Variants in RXRA observed in about 807,000 individuals in gnomAD.
RXRA encodes retinoid X receptor alpha.
In RXRA, 5 loss-of-function variants were observed where a neutral mutation model predicts 44.5. The ratio of observed to expected loss-of-function variants is 0.11; its 90% confidence interval spans 0.06 to 0.24. RXRA has a LOEUF of 0.24. Ranked by LOEUF, RXRA falls within the 10% of genes least tolerant of loss-of-function variation. The probability of loss-of-function intolerance (pLI) is 1.00; values close to 1 mark genes in which losing one functional copy is unlikely to be tolerated. For missense variants in RXRA, 412 were observed against 646.5 expected, an observed-to-expected ratio of 0.64 and a Z score of 3.93; for synonymous variants, 291 against 271.4, an observed-to-expected ratio of 1.07 and a Z score of -0.71.
intron 4 of RXRA, among the ~76,000 whole-genome samples, chr9:134,414,208 C>T (rs1831196536): frequency 6.6e-6 from 1 of 152,266 alleles, no homozygotes; most frequent in African/African-American, 2.4e-5. Context: ...CTAATTAATT[C>T]TCGGCTGCCC....
At chr9:134,422,810 T>C in intron 6 of RXRA, 11 of 985,270 alleles carry the variant, frequency 1.1e-5, no homozygotes, top group Non-Finnish European at 1.3e-5. Context: ...TTCAGAGAGG[T>C]AATGGGCTGT....
intron 1 of RXRA, among the ~76,000 whole-genome samples, chr9:134,389,206 G>C (rs531146592): frequency 6.6e-6 from 1 of 152,204 alleles, no homozygotes; most frequent in Non-Finnish European, 1.5e-5. Context: ...CACGGAACCC[G>C]TTTTCCCGGA....
At position 134,357,470 on chromosome 9, in the gene RXRA, TG is replaced by T. The variant is rs886309134; in HGVS notation, c.28+30816del. ...CAGATTTCTCGCCTGTGCAGGGGGT[TG>T]GGGGATGTGGAGTTGGTGAGGTCCG... is the stretch of plus-strand genomic sequence containing the variant. On this transcript the variant is annotated intron_variant, in intron 1 of 9. Coordinates refer to ENST00000481739, the MANE Select transcript of RXRA (RefSeq NM_002957.6). Among the ~76,000 whole-genome samples the T allele has an allele frequency of 2.0e-4, 31 of 152,054 alleles. No homozygotes were observed. In the Middle Eastern group the frequency reaches 0.01, roughly 50 times the overall value.
chr9:134,381,101 G>A (rs566792934), intron 1 of RXRA, among the ~76,000 whole-genome samples: 2 of 152,346 alleles, frequency 1.3e-5, no homozygotes, highest in South Asian at 2.1e-4. Flanking sequence ...AGTTGCTGCT[G>A]TCAGAGCCTG....
chr9:134,393,115 C>A (rs551174949), intron 1 of RXRA, among the ~76,000 whole-genome samples: 118 of 152,140 alleles, frequency 7.8e-4, no homozygotes, highest in African/African-American at 2.8e-3. Context: ...CCTGAGCCAG[C>A]GTCTGGGGCA....
At chr9:134,415,244 T>C (rs1831214883) in intron 4 of RXRA, among the ~76,000 whole-genome samples, 1 of 152,102 alleles carries the variant, frequency 6.6e-6, no homozygotes, top group Admixed American at 6.5e-5. Flanking sequence ...CACGTGGGGC[T>C]GTTACAGAGC....
chr9:134,341,035 G>A (rs1294919244), intron 1 of RXRA, among the ~76,000 whole-genome samples: 4 of 152,214 alleles, frequency 2.6e-5, no homozygotes, highest in African/African-American at 9.6e-5. Flanking sequence ...CCCTGGCCTC[G>A]TGCCCTCACC....
intron 1 of RXRA, among the ~76,000 whole-genome samples, chr9:134,380,460 T>G (rs1048079490): frequency 2.7e-4 from 41 of 150,780 alleles, no homozygotes; most frequent in African/African-American, 9.5e-4. Flanking sequence ...GACCCAGTGG[T>G]TGCAAGGAGC....
Position 134,326,528 on chromosome 9 carries a change from G to GCCGCCGGCTCC in RXRA, c.-97_-87dup. 1 of 155,684 alleles carries GCCGCCGGCTCC rather than the reference G, an allele frequency of 6.4e-6. No individual in the cohort carries two copies. Among genetic ancestry groups the GCCGCCGGCTCC allele is most frequent in the Non-Finnish European group, 1.3e-5 (1 of 76,100 alleles). 9.6% of individuals were successfully genotyped at this position (155,684 alleles called of 1,614,324 possible). A position where few individuals can be genotyped will look rare whatever the true frequency, so the allele number is the denominator to read the frequency against. ...TCCGCGCGCCGCCGCCGCCACCGCAGCCGCCGGCTCCCCGCCGCCCGGGCC... is the reference window on the plus strand; with the variant it reads ...TCCGCGCGCCGCCGCCGCCACCGCAGCCGCCGGCTCCCCGCCGGCTCCCCGCCGCCCGGGCC... On this transcript the variant is annotated 5_prime_UTR_variant, in exon 1 of 10. Coordinates refer to ENST00000481739, the MANE Select transcript of RXRA (RefSeq NM_002957.6).
chr9:134,368,266 G>T (rs552005313), intron 1 of RXRA, among the ~76,000 whole-genome samples: 40 of 152,342 alleles, frequency 2.6e-4, no homozygotes, highest in Non-Finnish European at 5.0e-4. Context: ...AGCTGGCCTT[G>T]ACAGGCACAG....
chr9:134,362,121 G>A (rs747532583), intron 1 of RXRA, among the ~76,000 whole-genome samples: 8 of 152,134 alleles, frequency 5.3e-5, no homozygotes, highest in African/African-American at 1.9e-4. Context: ...GGCTCTGCCC[G>A]CCCTGGGCCT....
At chr9:134,347,173 G>A (rs1402361980) in intron 1 of RXRA, among the ~76,000 whole-genome samples, 3 of 149,596 alleles carry the variant, frequency 2.0e-5, no homozygotes, top group African/African-American at 7.4e-5. Flanking sequence ...GGCAGGTGGG[G>A]TTGGGGTGGG....
In RXRA at chr9:134,440,010, G is replaced by C. The variant is rs967546743; in HGVS notation, c.*3396G>C. The C allele has an allele frequency of 6.6e-6, 1 of 152,284 alleles. No individual in the cohort carries two copies. Among genetic ancestry groups the C allele is most frequent in the Non-Finnish European group, 1.5e-5 (1 of 68,028 alleles). The allele number at this position is 152,284 out of a possible 1,614,324, so 9.4% of individuals were successfully genotyped here. A position where few individuals can be genotyped will look rare whatever the true frequency, so the allele number is the denominator to read the frequency against. ...TCCTTAGCAATGCCTTAGCTGGGAC[G>C]CATAGCTAATACTTTAGAGAGGATG... On this transcript the variant is annotated 3_prime_UTR_variant, in exon 10 of 10. Coordinates refer to ENST00000481739, the MANE Select transcript of RXRA (RefSeq NM_002957.6).
rs192835923 is a variant in RXRA, at chr9:134,368,840, A to G, written c.29-32792A>G. ...GTGTGCTGTGCATATGTGTGACTGC[A>G]TATGTGTGTGTGAAAGTGTGTGAGT... is the stretch of plus-strand genomic sequence containing the variant. On this transcript the variant is annotated intron_variant, in intron 1 of 9. Coordinates refer to ENST00000481739, the MANE Select transcript of RXRA (RefSeq NM_002957.6). Among the ~76,000 whole-genome samples the G allele has an allele frequency of 4.3e-3, 594 of 137,954 alleles. 5 individuals carry two copies. Among genetic ancestry groups the G allele is most frequent in the African/African-American group, 0.016 (566 of 36,194 alleles). 90.5% of individuals were successfully genotyped at this position (137,954 alleles called of 152,430 possible).
Position 134,326,669 on chromosome 9 carries a change from CGCCGG to C in RXRA, c.28+18_28+22del. Reference sequence around the variant, plus strand: ...CATTTCCTGCCGCTCGGTGAGTGCTCGCCGGGCCGGGCGGGGACGGGGCCGGGGGC... The same window carrying C: ...CATTTCCTGCCGCTCGGTGAGTGCTCGCCGGGCGGGGACGGGGCCGGGGGC... On this transcript the variant is annotated intron_variant, in intron 1 of 9. Coordinates refer to ENST00000481739, the MANE Select transcript of RXRA (RefSeq NM_002957.6). The C allele has an allele frequency of 1.1e-6, 1 of 936,130 alleles. No homozygotes were observed. The highest frequency in any genetic ancestry group is 1.3e-6 in the Non-Finnish European group (1 of 790,830). The allele number at this position is 936,130 out of a possible 1,614,324, so 58.0% of individuals were successfully genotyped here. A position where few individuals can be genotyped will look rare whatever the true frequency, so the allele number is the denominator to read the frequency against.
At chr9:134,387,096 A>G (rs1830731426) in intron 1 of RXRA, among the ~76,000 whole-genome samples, 1 of 152,132 alleles carries the variant, frequency 6.6e-6, no homozygotes, top group Non-Finnish European at 1.5e-5. Context: ...GGTGGGTGAG[A>G]GGGGAGACAT....
chr9:134,404,292 C>A (rs1189587506), intron 2 of RXRA: 1 of 152,608 alleles, frequency 6.6e-6, no homozygotes, highest in Non-Finnish European at 1.5e-5. Flanking sequence ...CTCGCCCCTC[C>A]TGGTGGGGGA....
chr9:134,436,657 T>A lies in RXRA; in HGVS notation c.*43T>A. 1 of 1,608,912 alleles carries A rather than the reference T, an allele frequency of 6.2e-7. No individual in the cohort carries two copies. On this transcript the variant is annotated 3_prime_UTR_variant, in exon 10 of 10. Coordinates refer to ENST00000481739, the MANE Select transcript of RXRA (RefSeq NM_002957.6). ...TTGTGCCCACCCGTTCTGGCCACCC[T>A]GCCTGGACGCCAGCTGTTCTTCTCA...
In RXRA at chr9:134,433,989, G is replaced by C. The variant is rs1831574037; in HGVS notation, c.1136-113G>C. 2.8e-6 allele frequency: 2 copies of C among 716,754 alleles called. No individual in the cohort carries two copies. Among genetic ancestry groups the C allele is most frequent in the African/African-American group, 1.8e-5 (1 of 56,998 alleles). 44.4% of individuals were successfully genotyped at this position (716,754 alleles called of 1,614,324 possible). On this transcript the variant is annotated intron_variant, in intron 8 of 9. Transcript: ENST00000481739. The surrounding 1 kb of genome is among the most constrained non-coding windows in gnomAD (Gnocchi z 4.2). The stretch of plus-strand genomic sequence containing the variant: ...GTCCAGCGGCATTCCTCCACCACCT[G>C]CTCTGCCCATGGTGGGGCAGCCTGG...
Sources: gnomAD v4.1 joint callset for allele counts (sites outside exome capture counted in the v4.1 genomes callset) on GRCh38, gnomAD v4.1.1 for gene constraint, Gnocchi (gnomAD v3.1) non-coding constraint, MANE v1.5 for transcripts, NCBI Gene and HGNC (gene_info 2026-07-23, HGNC 2026-07-21) for gene names.